The following APPL2 variants were observed in gnomAD, a reference collection of about 807,000 sequenced individuals.
APPL2 encodes the protein DCC-interacting protein 13-beta.
APPL2 carries 84 observed loss-of-function variants against 92.7 expected under a neutral mutation model. That is an observed-to-expected ratio of 0.91 (90% CI 0.76 to 1.09). The LOEUF (loss-of-function observed/expected upper bound fraction) is 1.09. Among genes scored for constraint, APPL2 ranks in the 50% least tolerant of loss-of-function variants. The pLI, the probability that APPL2 is intolerant of heterozygous loss-of-function variation, is 0.00. For synonymous variants in APPL2, 291 were observed against 291.0 expected (o/e 1.00, Z 0.00); for missense variants, 736 against 824.5 (o/e 0.89, Z 1.31).
chr12:105,199,327 AG>A, intron 10 of APPL2, 45 bp downstream of exon 10: 1 of 1,590,038 alleles, frequency 6.3e-7, no homozygotes, highest in Non-Finnish European at 8.6e-7. Context: ...GCCACCTCTT[AG>A]GGAAAACGGA....
At chr12:105,229,263 G>C in intron 1 of APPL2, 40 bp from the exon 2 acceptor site, 1 of 1,560,466 alleles carries the variant, frequency 6.4e-7, no homozygotes, top group Non-Finnish European at 8.7e-7. Context: ...TCATTTCTAA[G>C]TGGAAAAGTT....
intron 1 of APPL2, among the ~76,000 whole-genome samples, chr12:105,230,461 C>T (rs1424154473): frequency 1.3e-5 from 2 of 152,198 alleles, no homozygotes; most frequent in Non-Finnish European, 2.9e-5. Context: ...TGGATCACAA[C>T]TTCAAAATAT....
chr12:105,194,114 T>C (rs1225738773), intron 14 of APPL2, among the ~76,000 whole-genome samples: 1 of 152,206 alleles, frequency 6.6e-6, no homozygotes, highest in African/African-American at 2.4e-5. Flanking sequence ...ATTAGATATT[T>C]GTAAAAAATG....
At chr12:105,206,952 G>T (rs939252704) in intron 8 of APPL2, 109 bp downstream of exon 8, 2 of 1,369,142 alleles carry the variant, frequency 1.5e-6, no homozygotes, top group African/African-American at 2.9e-5. Flanking sequence ...CAGGGAGATT[G>T]TGCATTTATG....
chr12:105,183,871 C>T (rs937231369), intron 17 of APPL2, among the ~76,000 whole-genome samples: 1 of 152,166 alleles, frequency 6.6e-6, no homozygotes, highest in South Asian at 2.1e-4. Flanking sequence ...TGGTTCCATT[C>T]TCCCTGTCAC....
At chr12:105,180,509 T>G (rs1293309559) in intron 17 of APPL2, among the ~76,000 whole-genome samples, 1 of 152,186 alleles carries the variant, frequency 6.6e-6, no homozygotes, top group Non-Finnish European at 1.5e-5. Context: ...CTAACTCTGT[T>G]AAGAAAGTCA....
intron 9 of APPL2, among the ~76,000 whole-genome samples, chr12:105,203,251 A>G (rs1182618309): frequency 6.6e-6 from 1 of 152,212 alleles, no homozygotes. Flanking sequence ...CAACTACTGA[A>G]GACAGTGATG....
intron 8 of APPL2, 177 bp downstream of exon 8, chr12:105,206,884 G>C: frequency 1.4e-6 from 1 of 729,342 alleles, no homozygotes; most frequent in East Asian, 2.9e-5. Context: ...TGCATGTCCA[G>C]CTGAAGATGA....
intron 14 of APPL2, 144 bp downstream of exon 14, chr12:105,195,117 A>T: frequency 1.3e-6 from 1 of 766,110 alleles, no homozygotes. Context: ...CAGGTATTTA[A>T]CCTTTCCCAG....
At chr12:105,191,930 G>C (rs1887234764) in intron 14 of APPL2, among the ~76,000 whole-genome samples, 1 of 152,004 alleles carries the variant, frequency 6.6e-6, no homozygotes, top group African/African-American at 2.4e-5. Flanking sequence ...CTCCCATAGA[G>C]GACCTCATCC....
rs935241 is a variant in APPL2, at chr12:105,174,344, G to A, written c.1965C>T (p.Asn655=). 1,365,214 of 1,613,624 alleles carry A rather than the reference G, an allele frequency of 0.85. 579,785 individuals are homozygous for A. The highest frequency in any genetic ancestry group is 1 in the East Asian group (44,844 of 44,864). The stretch of plus-strand genomic sequence containing the variant: ...CTTCGGATTCTGCGCCTCTATGTTC[G>A]TTTGGATTTCCATCATCGTCATCTG... ...DQPDDDDGNP[N]EHRGAESEA The change falls in exon 21 of 21, where the codon AAC becomes AAT. Residue 655 remains asparagine, a synonymous_variant. Transcript: ENST00000258530.
intron 1 of APPL2, chr12:105,229,740 T>C: frequency 1.0e-6 from 1 of 986,898 alleles, no homozygotes; most frequent in Non-Finnish European, 1.2e-6. Context: ...TGTCATTCTT[T>C]CCTCTTATGG....
At chr12:105,235,841 G>A (rs1017953521) in intron 1 of APPL2, 118 bp downstream of exon 1, 8 of 784,684 alleles carry the variant, frequency 1.0e-5, no homozygotes, top group African/African-American at 1.8e-5. Flanking sequence ...GGCGCCGCGA[G>A]GGGGCCGGGC....
chr12:105,203,574 G>T, intron 9 of APPL2, 129 bp downstream of exon 9: 2 of 767,636 alleles, frequency 2.6e-6, no homozygotes, highest in Non-Finnish European at 2.2e-6. Flanking sequence ...CTGTTAGCGA[G>T]CATTTCTGGG....
chr12:105,218,045 C>T (rs896273633), intron 2 of APPL2, among the ~76,000 whole-genome samples: 3 of 151,996 alleles, frequency 2.0e-5, no homozygotes, highest in Non-Finnish European at 4.4e-5. Flanking sequence ...GAGGTTGAGG[C>T]TGCAGTAAGC....
At chr12:105,230,981 G>T (rs1592844696) in intron 1 of APPL2, among the ~76,000 whole-genome samples, 1 of 152,248 alleles carries the variant, frequency 6.6e-6, no homozygotes, top group Non-Finnish European at 1.5e-5. Context: ...CATAATCACA[G>T]TATGAAATAC....
At chr12:105,232,208 CAGT>C (rs1243470689) in intron 1 of APPL2, among the ~76,000 whole-genome samples, 1 of 152,154 alleles carries the variant, frequency 6.6e-6, no homozygotes, top group Non-Finnish European at 1.5e-5. Context: ...CCAAAAGTAA[CAGT>C]AGCAGATTCA....
At chr12:105,233,266 C>G in intron 1 of APPL2, 1 of 985,480 alleles carries the variant, frequency 1.0e-6, no homozygotes, top group African/African-American at 1.7e-5. Context: ...ACATTCCCAA[C>G]AGCCAGTAGT....
intron 19 of APPL2, chr12:105,176,484 A>AC (rs1268054753): frequency 4.6e-6 from 2 of 433,198 alleles, no homozygotes; most frequent in Non-Finnish European, 8.0e-6. Flanking sequence ...TTCATACTAA[A>AC]CCAACAGCTT....
Sources: gnomAD v4.1 joint callset for allele counts (sites outside exome capture counted in the v4.1 genomes callset) on GRCh38, gnomAD v4.1.1 for gene constraint, MANE v1.5 for transcripts, NCBI Gene and HGNC (gene_info 2026-07-23, HGNC 2026-07-21) for gene names.